NEK10: variants seen among roughly 807,000 people sequenced by gnomAD.
The protein encoded by NEK10 is serine/threonine-protein kinase Nek10.
Under a neutral mutation model 159.8 loss-of-function variants are expected in NEK10, and 122 were observed. The ratio of observed to expected loss-of-function variants is 0.76; its 90% CI spans 0.66 to 0.89. The LOEUF (loss-of-function observed/expected upper bound fraction) is 0.89. NEK10 is among the 40% of genes least tolerant of loss of function. The pLI is 0.00. For synonymous variants in NEK10, 466 were observed against 457.1 expected (o/e 1.02, Z -0.25); for missense variants, 1,342 against 1,323.1 (o/e 1.01, Z -0.22).
At chr3:27,206,589 T>C (rs148803104) in intron 23 of NEK10, 1 of 984,882 alleles carries the variant, frequency 1.0e-6, no homozygotes, top group African/African-American at 1.7e-5. Context: ...CTTGGATAAT[T>C]TCATTCACAT....
At position 27,174,828 on chromosome 3, in the gene NEK10, G is replaced by A. The variant is rs1426195232; in HGVS notation, c.2511C>T (p.Thr837=). The change falls in exon 27 of 36, where the codon ACC becomes ACT. Residue 837 remains threonine (T), a synonymous_variant. Transcript: ENST00000691995. The part of the protein sequence containing the change: ...HHELAVLSHE[T]FEKASLSSSS... ...TGCTACTCAAACTTGCCTTCTCAAA[G>A]GTCTCCTGGAAAGAGAAATTCAGTT... 6.3e-7 allele frequency: 1 copy of A among 1,584,526 alleles called. No homozygotes were observed. Among genetic ancestry groups the A allele is most frequent in the Non-Finnish European group, 8.6e-7 (1 of 1,169,172 alleles).
intron 23 of NEK10, among the ~76,000 whole-genome samples, chr3:27,237,650 G>T (rs1954086205): frequency 1.3e-5 from 2 of 151,972 alleles, no homozygotes; most frequent in Admixed American, 6.6e-5. Context: ...GAACTCAGGA[G>T]GAAGGGTGGG....
intron 22 of NEK10, among the ~76,000 whole-genome samples, chr3:27,276,868 T>C (rs968945137): frequency 2.6e-5 from 4 of 152,172 alleles, no homozygotes; most frequent in African/African-American, 9.7e-5. Context: ...GTGGCAAACA[T>C]TGTGGGCCAG....
intron 32 of NEK10, among the ~76,000 whole-genome samples, chr3:27,128,387 C>T (rs2125497979): frequency 6.6e-6 from 1 of 152,224 alleles, no homozygotes; most frequent in East Asian, 1.9e-4. Context: ...ACATTAACGC[C>T]CATTGGTGAT....
At chr3:27,276,138 CATTA>C (rs540997898) in intron 22 of NEK10, among the ~76,000 whole-genome samples, 2 of 152,086 alleles carry the variant, frequency 1.3e-5, no homozygotes, top group South Asian at 4.2e-4. Flanking sequence ...TTCATTTGCT[CATTA>C]ATTCATTCAT....
intron 5 of NEK10, among the ~76,000 whole-genome samples, chr3:27,327,116 A>T (rs142625550): frequency 5.3e-5 from 8 of 152,208 alleles, no homozygotes; most frequent in Non-Finnish European, 1.0e-4. Context: ...CCACAGCTAC[A>T]CAATAAGTAA....
intron 5 of NEK10, among the ~76,000 whole-genome samples, chr3:27,338,072 C>T (rs1027045566): frequency 2.0e-5 from 3 of 152,056 alleles, no homozygotes; most frequent in African/African-American, 7.2e-5. Flanking sequence ...TCAGGTATTT[C>T]TCCTAATGCT....
At chr3:27,306,940 C>G (rs1384046598) in intron 11 of NEK10, among the ~76,000 whole-genome samples, 1 of 152,194 alleles carries the variant, frequency 6.6e-6, no homozygotes, top group Non-Finnish European at 1.5e-5. Context: ...CTCTCTCTCT[C>G]TGCCTAGATA....
At chr3:27,355,259 C>T (rs2048252798) in intron 1 of NEK10, among the ~76,000 whole-genome samples, 1 of 152,050 alleles carries the variant, frequency 6.6e-6, no homozygotes, top group Admixed American at 6.6e-5. Context: ...TCTCTATCTG[C>T]CCCCTCTCCC....
At position 27,215,861 on chromosome 3, in the gene NEK10, G is replaced by A. The variant is rs778374528; in HGVS notation, c.2091-13304C>T. The A allele has an allele frequency of 4.5e-5, 32 of 716,768 alleles. No individual in the cohort carries two copies. The Admixed American group carries it at 5.8e-4, about 13-fold the overall frequency. 44.4% of individuals were successfully genotyped at this position (716,768 alleles called of 1,614,324 possible). On this transcript the variant is annotated intron_variant, in intron 23 of 35. Coordinates refer to ENST00000691995, the MANE Select transcript of NEK10 (RefSeq NM_001394966.1). ...GTGGCCAGAGCAGGAGCAGGAGAGC[G>A]AAGGTAGAGGTGCTGCACACTTTAA...
chr3:27,205,250 A>G (rs1275647941), intron 23 of NEK10, among the ~76,000 whole-genome samples: 1 of 148,800 alleles, frequency 6.7e-6, no homozygotes, highest in Non-Finnish European at 1.5e-5. Flanking sequence ...CATGGGTAGG[A>G]AGAATCAATA....
intron 31 of NEK10, among the ~76,000 whole-genome samples, chr3:27,140,096 A>G (rs995365270): frequency 2.6e-5 from 4 of 152,174 alleles, no homozygotes; most frequent in Non-Finnish European, 5.9e-5. Context: ...GCCAACAGAG[A>G]TCTTTGGCAG....
At chr3:27,337,642 T>G (rs563432925) in intron 5 of NEK10, among the ~76,000 whole-genome samples, 1 of 151,762 alleles carries the variant, frequency 6.6e-6, no homozygotes, top group South Asian at 2.1e-4. Context: ...CCAAAACAAA[T>G]CCACATATTT....
rs1411680670 is a variant in NEK10, at chr3:27,284,655, C to A, written c.1961G>T (p.Arg654Ile). The change falls in exon 22 of 36, where the codon AGA (arginine) becomes ATA (isoleucine). Residue 654 changes from arginine (R) to isoleucine (I), a missense_variant. Physicochemically the swap from Arg to Ile is moderately conservative, Grantham distance 97. Coordinates refer to ENST00000691995, the MANE Select transcript of NEK10 (RefSeq NM_001394966.1). ...YLHKEKRIVH[R>I]DLTPNNIMLG... ...CATAATGTTGTTTGGTGTCAGATCT[C>A]TATGGACAATCCTCTTCTCCTTGTG... 1 of 1,610,410 alleles carries A rather than the reference C, an allele frequency of 6.2e-7. No individual in the cohort carries two copies. The highest frequency in any genetic ancestry group is 1.7e-5 in the Admixed American group (1 of 60,020).
chr3:27,112,492 A>G (rs1459821129), intron 35 of NEK10, among the ~76,000 whole-genome samples: 1 of 152,208 alleles, frequency 6.6e-6, no homozygotes, highest in Non-Finnish European at 1.5e-5. Context: ...GATGACAATG[A>G]TGACCATGTC....
rs769135689 is a variant in NEK10 at position 27,174,620 on chromosome 3, C to A, written c.2689+30G>T. On this transcript the variant is annotated intron_variant, in intron 27 of 35. Coordinates refer to ENST00000691995, the MANE Select transcript of NEK10 (RefSeq NM_001394966.1). ...TGTTGACACACTGCCACTAGCAGTACCTACGTTGACACACTGCCACTAGCA... is the reference window on the plus strand; with the variant it reads ...TGTTGACACACTGCCACTAGCAGTAACTACGTTGACACACTGCCACTAGCA... 3.1e-6 allele frequency: 5 copies of A among 1,599,330 alleles called. No individual in the cohort carries two copies. In the South Asian group the frequency reaches 5.6e-5, roughly 18 times the overall value.
intron 14 of NEK10, among the ~76,000 whole-genome samples, chr3:27,295,942 TAA>T (rs1332607113): frequency 2.0e-5 from 3 of 152,166 alleles, no homozygotes; most frequent in Non-Finnish European, 4.4e-5. Context: ...TACATAAACG[TAA>T]AGTGATTCAA....
At chr3:27,245,078 T>C (rs903501630) in intron 23 of NEK10, among the ~76,000 whole-genome samples, 12 of 152,204 alleles carry the variant, frequency 7.9e-5, no homozygotes, top group Non-Finnish European at 1.0e-4. Flanking sequence ...TTGTTCTTCA[T>C]ATTAAACTTC....
chr3:27,259,765 G>C (rs1296414078), intron 22 of NEK10, among the ~76,000 whole-genome samples: 7 of 152,124 alleles, frequency 4.6e-5, no homozygotes, highest in Non-Finnish European at 1.5e-5. Flanking sequence ...GAAAATCATT[G>C]GTAGCTTGAT....
Sources: allele counts gnomAD v4.1 joint callset (sites outside exome capture counted in the v4.1 genomes callset), GRCh38; gene constraint gnomAD v4.1.1; transcripts MANE v1.5; gene names NCBI Gene and HGNC (gene_info 2026-07-23, HGNC 2026-07-21).